The following POLR1A variants were observed in gnomAD, a reference collection of about 807,000 sequenced individuals.
POLR1A encodes the protein DNA-directed RNA polymerase I subunit RPA1.
POLR1A carries 84 observed loss-of-function variants against 205.3 expected under a neutral mutation model. The observed-to-expected ratio is 0.41, with a 90% confidence interval of 0.34 to 0.49. POLR1A has a LOEUF of 0.49. Among genes scored for constraint, POLR1A ranks in the 20% least tolerant of loss-of-function variants. The pLI is 0.22. For synonymous variants in POLR1A, 799 were observed against 863.7 expected, an observed-to-expected ratio of 0.93 and a Z score of 1.31; for missense variants, 1,645 against 2,204.5, an observed-to-expected ratio of 0.75 and a Z score of 5.08.
chr2:86,071,353 C>T (rs1673178355), intron 12 of POLR1A, among the ~76,000 whole-genome samples: 1 of 151,948 alleles, frequency 6.6e-6, no homozygotes. Flanking sequence ...TATAGTGGTA[C>T]AATCATGGCT....
chr2:86,041,823 G>T, intron 24 of POLR1A, 66 bp downstream of exon 24: 1 of 1,362,744 alleles, frequency 7.3e-7, no homozygotes, highest in Non-Finnish European at 1.0e-6. Flanking sequence ...TAGGGCAGGG[G>T]CTAGGAGGCA....
At chr2:86,057,074 A>T (rs947366854) in intron 14 of POLR1A, among the ~76,000 whole-genome samples, 2 of 152,252 alleles carry the variant, frequency 1.3e-5, no homozygotes, top group Non-Finnish European at 1.5e-5. Flanking sequence ...CTTCTGATGC[A>T]TATGGGCAAA....
chr2:86,031,229 C>G (rs1573800672), intron 30 of POLR1A, 101 bp downstream of exon 30: 15 of 1,448,850 alleles, frequency 1.0e-5, no homozygotes, highest in African/African-American at 7.0e-5. Context: ...GTTGGCTGCC[C>G]CCTGCCCAGC....
intron 12 of POLR1A, among the ~76,000 whole-genome samples, chr2:86,071,703 T>G (rs909233307): frequency 6.6e-6 from 1 of 152,266 alleles, no homozygotes; most frequent in Non-Finnish European, 1.5e-5. Context: ...CATGTCCTTC[T>G]GACAGACATC....
In POLR1A at chr2:86,040,573, T is replaced by C. The variant is rs1362320705; in HGVS notation, c.3573-14A>G. 6 of 1,521,714 alleles carry C rather than the reference T, an allele frequency of 3.9e-6. No individual in the cohort carries two copies. The highest frequency in any genetic ancestry group is 5.3e-6 in the Non-Finnish European group (6 of 1,129,822). 94.3% of individuals were successfully genotyped at this position (1,521,714 alleles called of 1,614,324 possible). A position where few individuals can be genotyped will look rare whatever the true frequency, so the allele number is the denominator to read the frequency against. On this transcript the variant is annotated splice_polypyrimidine_tract_variant and intron_variant, in intron 24 of 33. Coordinates refer to ENST00000263857, the MANE Select transcript of POLR1A (RefSeq NM_015425.6). ...AAGGTCCTCAACCTAGAGACGGTGGTGGGGGGTCAGGGTGGGGGTTGTGGC... is the reference window on the plus strand; with the variant it reads ...AAGGTCCTCAACCTAGAGACGGTGGCGGGGGGTCAGGGTGGGGGTTGTGGC...
In POLR1A at chr2:86,080,686, C is replaced by T. The variant is rs76158656; in HGVS notation, c.1086+130G>A. On this transcript the variant is annotated intron_variant, in intron 9 of 33. Transcript: ENST00000263857. ...AGGTGCCCCCTAAGCCCAGAGCTCA[C>T]ACTAAGGCTGCTGCCAGCTGCACAG... The T allele has an allele frequency of 0.036, 30,847 of 848,858 alleles. 807 individuals are homozygous for T. The highest frequency in any genetic ancestry group is 0.12 in the East Asian group (4,323 of 36,172). The allele number at this position is 848,858 out of a possible 1,614,324, so 52.6% of individuals were successfully genotyped here.
chr2:86,064,065 T>C (rs573397046), intron 14 of POLR1A, among the ~76,000 whole-genome samples: 1 of 152,276 alleles, frequency 6.6e-6, no homozygotes, highest in East Asian at 1.9e-4. Flanking sequence ...TTGAATCCTT[T>C]TAAAATCCTC....
intron 13 of POLR1A, among the ~76,000 whole-genome samples, chr2:86,066,475 G>T (rs1331937479): frequency 6.6e-6 from 1 of 152,234 alleles, no homozygotes; most frequent in African/African-American, 2.4e-5. Context: ...AACGCACGCT[G>T]AAGTAAAAAT....
Position 86,098,695 on chromosome 2 carries a change from C to T in POLR1A, c.348G>A (p.Val116=). The T allele has an allele frequency of 1.2e-6, 2 of 1,613,914 alleles. No homozygotes were observed. The highest frequency in any genetic ancestry group is 2.7e-5 in the African/African-American group (2 of 74,976). The part of the protein sequence containing the change: ...NCHMLTCPRA[V]IHLLLCQLRV... ...TCAGCTGGCAGAGTAAGAGGTGAAT[C>T]ACGGCCCGGGGACAAGTCAGCATGT... The change falls in exon 3 of 34, where the codon GTG becomes GTA. Residue 116 remains valine, a synonymous_variant. Coordinates refer to ENST00000263857, the MANE Select transcript of POLR1A (RefSeq NM_015425.6).
intron 12 of POLR1A, among the ~76,000 whole-genome samples, chr2:86,071,758 A>G (rs1304231609): frequency 6.6e-6 from 1 of 152,162 alleles, no homozygotes; most frequent in Non-Finnish European, 1.5e-5. Context: ...TAAGACACTT[A>G]CCACCCTTAT....
intron 20 of POLR1A, 102 bp downstream of exon 20, chr2:86,045,514 GC>G: frequency 7.5e-7 from 1 of 1,337,628 alleles, no homozygotes; most frequent in Non-Finnish European, 1.1e-6. Context: ...AGCTACAATA[GC>G]CCCCAGTGTC....
chr2:86,097,812 T>C (rs762826401), intron 3 of POLR1A, among the ~76,000 whole-genome samples: 3 of 152,168 alleles, frequency 2.0e-5, no homozygotes, highest in Non-Finnish European at 2.9e-5. Flanking sequence ...GAGGAATAAA[T>C]TCTAGTGTTC....
chr2:86,053,026 C>G, intron 15 of POLR1A, 26 bp from the exon 16 acceptor site: 1 of 1,517,268 alleles, frequency 6.6e-7, no homozygotes, highest in Non-Finnish European at 8.9e-7. Flanking sequence ...CCACCAATGC[C>G]GGGCTGCGGG....
At chr2:86,041,175 G>C (rs1672594065) in intron 24 of POLR1A, among the ~76,000 whole-genome samples, 2 of 98,984 alleles carry the variant, frequency 2.0e-5, no homozygotes, top group African/African-American at 3.9e-5. Flanking sequence ...GTGTGTGTGT[G>C]TGTGTGTGTG....
At chr2:86,100,302 CTT>C in intron 1 of POLR1A, 130 bp from the exon 2 acceptor site, 1 of 694,778 alleles carries the variant, frequency 1.4e-6, no homozygotes, top group Non-Finnish European at 2.5e-6. Flanking sequence ...CACAATCTGT[CTT>C]TCTCACTAGT....
chr2:86,056,242 G>A (rs1239445215), intron 14 of POLR1A, among the ~76,000 whole-genome samples: 3 of 151,724 alleles, frequency 2.0e-5, no homozygotes, highest in East Asian at 2.0e-4. Context: ...ACTTAAGGTC[G>A]GGAGTTTGAG....
rs1335654601 is a variant in POLR1A, at chr2:86,089,838, C to T, written c.524G>A (p.Gly175Glu). The change falls in exon 4 of 34, where the codon GGG (glycine) becomes GAG (glutamate). Residue 175 changes from glycine to glutamate, a missense_variant. Gly to Glu is a moderately conservative substitution (Grantham distance 98). This residue lies in a region of POLR1A where 330 missense variants were observed against 375.6 expected (regional missense o/e 0.88). Coordinates refer to ENST00000263857, the MANE Select transcript of POLR1A (RefSeq NM_015425.6). The stretch of plus-strand genomic sequence containing the variant: ...TTAACTCACATGTGCGCCCTGGGAC[C>T]CCAGGAGGTTGTTCTGCACAATTTC... Reference protein sequence around the residue: ...TTEIVQNNLLGSQGAHVKNVC... With the variant: ...TTEIVQNNLLESQGAHVKNVC... The T allele has an allele frequency of 6.2e-7, 1 of 1,607,252 alleles. No individual in the cohort carries two copies. The highest frequency in any genetic ancestry group is 8.5e-7 in the Non-Finnish European group (1 of 1,173,696).
At chr2:86,081,761 T>C in intron 7 of POLR1A, 55 bp from the exon 8 acceptor site, 1 of 999,208 alleles carries the variant, frequency 1.0e-6, no homozygotes, top group Non-Finnish European at 1.6e-6. Flanking sequence ...ACTAAGGGCA[T>C]GGGAGGACAA....
chr2:86,032,063 C>T (rs1452632632), intron 29 of POLR1A, among the ~76,000 whole-genome samples: 1 of 152,244 alleles, frequency 6.6e-6, no homozygotes, highest in Non-Finnish European at 1.5e-5. Context: ...ATCTAAAAGG[C>T]AGCCCTGGAG....
Sources: allele counts gnomAD v4.1 joint callset (sites outside exome capture counted in the v4.1 genomes callset), GRCh38; gene constraint gnomAD v4.1.1; regional missense constraint gnomAD v4.1.1; transcripts MANE v1.5; gene names NCBI Gene and HGNC (gene_info 2026-07-23, HGNC 2026-07-21).